The following SPDYE21 variants were observed in gnomAD, a reference collection of about 807,000 sequenced individuals.
SPDYE21 encodes speedy protein E21.
SPDYE21 carries 14 observed loss-of-function variants against 36.2 expected under a neutral mutation model. That is an observed-to-expected ratio of 0.39 (90% CI 0.26 to 0.61). SPDYE21 has a LOEUF of 0.61. SPDYE21 is among the 20% of genes least tolerant of loss of function. The pLI is 0.55. For synonymous variants in SPDYE21, 58 were observed against 155.1 expected (o/e 0.37, Z 4.65); for missense variants, 233 against 424.6 (o/e 0.55, Z 3.97).
At position 67,287,843 on chromosome 7, in the gene SPDYE21, G is replaced by C. The variant is rs1227924063; in HGVS notation, c.*371G>C. On this transcript the variant is annotated 3_prime_UTR_variant, in exon 9 of 9. Transcript: ENST00000424157. ...GGAACCTGGAGGTGCTGTTTCTTAC[G>C]GACTTGGTTGCCACAGTCCAGGAGC... Among the ~76,000 whole-genome samples, 1 of 152,022 alleles carries C rather than the reference G, an allele frequency of 6.6e-6. No homozygotes were observed. The highest frequency in any genetic ancestry group is 2.1e-4 in the South Asian group (1 of 4,816).
At chr7:67,284,049 C>T (rs1166482463) in intron 6 of SPDYE21, 51 bp downstream of exon 6, 10 of 642,002 alleles carry the variant, frequency 1.6e-5, no homozygotes, top group Admixed American at 5.5e-5. Flanking sequence ...CCTGGGACAG[C>T]GGGGGAAGTG....
At chr7:67,284,345 A>C (rs1201150635) in intron 6 of SPDYE21, among the ~76,000 whole-genome samples, 1 of 150,220 alleles carries the variant, frequency 6.7e-6, no homozygotes, top group East Asian at 2.0e-4. Flanking sequence ...GCTACTTGGG[A>C]GGCTGAGGCA....
In SPDYE21 at chr7:67,288,566, T is replaced by TGTTTCTATTCAGCA. The variant is rs565783107; in HGVS notation, c.*1102_*1103insTCAGCAGTTTCTAT. On this transcript the variant is annotated 3_prime_UTR_variant, in exon 9 of 9. Coordinates refer to ENST00000424157, the MANE Select transcript of SPDYE21 (RefSeq NM_001382715.2). Reference sequence around the variant, plus strand: ...AATACTGGTATTTTTGAATAGATGCTGTTTCTATAAAGCTGTGTGATGGGT... The same window carrying TGTTTCTATTCAGCA: ...AATACTGGTATTTTTGAATAGATGCTGTTTCTATTCAGCAGTTTCTATAAAGCTGTGTGATGGGT... 0.018 allele frequency among the ~76,000 whole-genome samples: 2,700 copies of TGTTTCTATTCAGCA among 149,532 alleles called. 61 individuals carry two copies. The highest frequency in any genetic ancestry group is 0.063 in the African/African-American group (2,567 of 41,008).
Position 67,286,253 on chromosome 7 carries a change from C to T in SPDYE21, c.965C>T (p.Pro322Leu), listed in dbSNP as rs909943678. The stretch of plus-strand genomic sequence containing the variant: ...TTCCAGTTAGGCCGTTCCATGAACC[C>T]GAGGGCCAGGAAGTACCGCTCTCGC... The part of the protein sequence containing the change: ...RRFQLGRSMN[P>L]RARKYRSRIP... The change falls in exon 7 of 9, where the codon CCG (proline) becomes CTG (leucine). Residue 322 changes from proline (P) to leucine (L), a missense_variant. Physicochemically the swap from Pro to Leu is moderately conservative, Grantham distance 98. Around this residue, in one of 4 missense-constraint regions of SPDYE21, gnomAD observed 139 missense variants for 175.8 expected, o/e 0.79. Coordinates refer to ENST00000424157, the MANE Select transcript of SPDYE21 (RefSeq NM_001382715.2). 2.3e-5 allele frequency: 37 copies of T among 1,611,914 alleles called. No homozygotes were observed. Among genetic ancestry groups the T allele is most frequent in the Middle Eastern group, 1.7e-4 (1 of 5,998 alleles).
chr7:67,284,082 C>T, intron 6 of SPDYE21, 84 bp downstream of exon 6: 1 of 682,340 alleles, frequency 1.5e-6, no homozygotes, highest in Non-Finnish European at 2.7e-6. Flanking sequence ...TTCATTTATT[C>T]TTTCACCTAT....
intron 4 of SPDYE21, among the ~76,000 whole-genome samples, chr7:67,281,996 A>C (rs1802648569): frequency 1.3e-5 from 2 of 151,998 alleles, no homozygotes; most frequent in African/African-American, 4.8e-5. Flanking sequence ...GGCTGGGCAC[A>C]GTAGCTCATG....
intron 6 of SPDYE21, 32 bp from the exon 7 acceptor site, chr7:67,286,012 C>A (rs3980880): frequency 0.069 from 111,879 of 1,612,188 alleles, 4,172 homozygotes; most frequent in Admixed American, 0.093. Context: ...CCTGGTGGTG[C>A]CCCTGAGCAG....
Position 67,286,167 on chromosome 7 carries a change from T to A in SPDYE21, c.879T>A (p.Arg293=). ...GTAAGCGTTGGTTCCAGTTAGGCCG[T>A]TCCATGAACCCGAGGGCCAGGAAGA... is the stretch of plus-strand genomic sequence containing the variant. ...LLRKRWFQLG[R]SMNPRARKNR... is the part of the protein sequence containing the mutation. The change falls in exon 7 of 9, where the codon CGT becomes CGA. Residue 293 remains arginine, a synonymous_variant. Coordinates refer to ENST00000424157, the MANE Select transcript of SPDYE21 (RefSeq NM_001382715.2). The A allele has an allele frequency of 6.2e-7, 1 of 1,610,568 alleles. No individual in the cohort carries two copies. Among genetic ancestry groups the A allele is most frequent in the Non-Finnish European group, 8.5e-7 (1 of 1,179,364 alleles).
intron 4 of SPDYE21, 82 bp from the exon 5 acceptor site, chr7:67,282,553 G>A (rs1802658320): frequency 1.3e-6 from 2 of 1,592,374 alleles, no homozygotes; most frequent in African/African-American, 2.7e-5. Context: ...CTTCCCCCCG[G>A]GAGGCACACT....
chr7:67,284,435 T>C (rs1802693009), intron 6 of SPDYE21, among the ~76,000 whole-genome samples: 1 of 83,764 alleles, frequency 1.2e-5, no homozygotes, highest in Non-Finnish European at 2.2e-5. Context: ...GGTGACAGAG[T>C]GAGACTTTTT....
In SPDYE21 at chr7:67,286,244, C is replaced by A; in HGVS notation, c.956C>A (p.Ser319Tyr). Residue 319 changes from serine (S) to tyrosine (Y), a missense_variant, in exon 7 of 9, where the codon TCC (serine) becomes TAC (tyrosine). Around this residue, in one of 4 missense-constraint regions of SPDYE21, gnomAD observed 139 missense variants for 175.8 expected, o/e 0.79. Transcript: ENST00000424157. ...LRKRRFQLGRSMNPRARKYRS... is the reference protein window; with the variant it reads ...LRKRRFQLGRYMNPRARKYRS... ...AAGCGTCGGTTCCAGTTAGGCCGTT[C>A]CATGAACCCGAGGGCCAGGAAGTAC... 2 of 1,612,012 alleles carry A rather than the reference C, an allele frequency of 1.2e-6. No individual in the cohort carries two copies. Among genetic ancestry groups the A allele is most frequent in the South Asian group, 2.2e-5 (2 of 90,902 alleles).
chr7:67,281,166 T>G (rs1483626509), intron 3 of SPDYE21, among the ~76,000 whole-genome samples: 1 of 127,276 alleles, frequency 7.9e-6, no homozygotes, highest in Non-Finnish European at 1.6e-5. Flanking sequence ...TATGAGGAAG[T>G]GTTCTGAGGA....
chr7:67,282,526 C>T (rs538749828), intron 4 of SPDYE21, 109 bp from the exon 5 acceptor site: 88 of 1,417,818 alleles, frequency 6.2e-5, no homozygotes, highest in Admixed American at 4.2e-4. Flanking sequence ...ACCTCACCCG[C>T]GGCCACAATC....
Position 67,286,240 on chromosome 7 carries a change from C to T in SPDYE21, c.952C>T (p.Arg318Cys), listed in dbSNP as rs1389705717. 3.7e-6 allele frequency: 6 copies of T among 1,612,592 alleles called. No homozygotes were observed. The highest frequency in any genetic ancestry group is 2.2e-5 in the South Asian group (2 of 90,970). The change falls in exon 7 of 9, where the codon CGT becomes TGT. Residue 318 changes from arginine (R) to cysteine (C), a missense_variant. Arg to Cys is a radical substitution (Grantham distance 180, BLOSUM62 -3). Transcript: ENST00000424157. ...LLRKRRFQLG[R>C]SMNPRARKYR... ...CCGTAAGCGTCGGTTCCAGTTAGGC[C>T]GTTCCATGAACCCGAGGGCCAGGAA...
rs953070490 is a variant in SPDYE21 at position 67,285,896 on chromosome 7, G to C, written c.756-148G>C. 4.1e-6 allele frequency: 6 copies of C among 1,449,922 alleles called. No homozygotes were observed. In the African/African-American group the frequency reaches 8.5e-5, roughly 20 times the overall value. 89.8% of individuals were successfully genotyped at this position (1,449,922 alleles called of 1,614,324 possible). On this transcript the variant is annotated intron_variant, in intron 6 of 8. Coordinates refer to ENST00000424157, the MANE Select transcript of SPDYE21 (RefSeq NM_001382715.2). ...CTTGATCAGGTCTCTGTCCAGCAGA[G>C]CCCTCCTGAGGAAGGCGTGGCTCTC...
chr7:67,277,322 G>C (rs1802557080), intron 1 of SPDYE21, among the ~76,000 whole-genome samples: 1 of 151,746 alleles, frequency 6.6e-6, no homozygotes, highest in Non-Finnish European at 1.5e-5. Flanking sequence ...GCCTCCCAAA[G>C]TGCTGGGATT....
chr7:67,288,036 T>C lies in SPDYE21; in HGVS notation c.*564T>C, dbSNP rs1387276716. On this transcript the variant is annotated 3_prime_UTR_variant, in exon 9 of 9. Coordinates refer to ENST00000424157, the MANE Select transcript of SPDYE21 (RefSeq NM_001382715.2). ...AGATTTATTTCAAATAGTTTGGAAATTGTTGTACTTTTGAAAACATGCTGT... is the reference window on the plus strand; with the variant it reads ...AGATTTATTTCAAATAGTTTGGAAACTGTTGTACTTTTGAAAACATGCTGT... Among the ~76,000 whole-genome samples the C allele has an allele frequency of 6.6e-6, 1 of 151,536 alleles. No homozygotes were observed. Among genetic ancestry groups the C allele is most frequent in the African/African-American group, 2.4e-5 (1 of 41,306 alleles).
At chr7:67,286,806 G>A (rs1432608540) in intron 8 of SPDYE21, among the ~76,000 whole-genome samples, 142 bp downstream of exon 8, 1 of 152,190 alleles carries the variant, frequency 6.6e-6, no homozygotes, top group African/African-American at 2.4e-5. Context: ...TTAGCCAGGC[G>A]ATGTGGGACG....
Position 67,282,649 on chromosome 7 carries a change from A to T in SPDYE21, c.625A>T (p.Lys209Ter). ...FNRLLEDPVI[K>*]RFLAWDKDLR... ...TCTAATCACAGAGGATCCTGTCATT[A>T]AAAGATTCCTGGCCTGGGACAAAGA... is the stretch of plus-strand genomic sequence containing the variant. Residue 209 changes from lysine to a stop codon, truncating the protein, a stop_gained, in exon 5 of 9, where the codon AAA (lysine) becomes TAA (stop). Coordinates refer to ENST00000424157, the MANE Select transcript of SPDYE21 (RefSeq NM_001382715.2). LOFTEE classifies it high-confidence loss of function. The T allele has an allele frequency of 6.4e-7, 1 of 1,568,410 alleles. No individual in the cohort carries two copies. Among genetic ancestry groups the T allele is most frequent in the Non-Finnish European group, 8.6e-7 (1 of 1,160,566 alleles).
Sources: gnomAD v4.1 joint callset for allele counts (sites outside exome capture counted in the v4.1 genomes callset) on GRCh38, gnomAD v4.1.1 for gene constraint, gnomAD v4.1.1 regional missense constraint, MANE v1.5 for transcripts, NCBI Gene and HGNC (gene_info 2026-07-23, HGNC 2026-07-21) for gene names.